The following RFNG variants were observed in gnomAD, a reference collection of about 807,000 sequenced individuals.
RFNG encodes the protein RFNG O-fucosylpeptide 3-beta-N-acetylglucosaminyltransferase.
A neutral mutation model predicts 29.6 loss-of-function variants in RFNG; 37 were observed. The observed-to-expected ratio is 1.25, with a 90% CI of 0.96 to 1.65. The LOEUF (loss-of-function observed/expected upper bound fraction) is 1.65. RFNG is among the 40% of genes most tolerant of loss of function. The pLI, the probability that RFNG is intolerant of heterozygous loss-of-function variation, is 0.00. For missense variants in RFNG, 546 were observed against 457.0 expected (o/e 1.19, Z -1.78); for synonymous variants, 276 against 197.3 (o/e 1.40, Z -3.34).
At chr17:82,049,276 G>A (rs950155443) in intron 6 of RFNG, 160 bp from the exon 7 acceptor site, 4 of 716,674 alleles carry the variant, frequency 5.6e-6, no homozygotes, top group Non-Finnish European at 1.0e-5. Context: ...GGCATGAGCT[G>A]AGTAGGGGGA....
In RFNG at chr17:82,050,199, G is replaced by A. The variant is rs896721313; in HGVS notation, c.574-193C>T. 5.2e-6 allele frequency: 4 copies of A among 776,626 alleles called. No homozygotes were observed. The Admixed American group carries it at 1.1e-4, about 22-fold the overall frequency. The allele number at this position is 776,626 out of a possible 1,614,324, so 48.1% of individuals were successfully genotyped here. A position where few individuals can be genotyped will look rare whatever the true frequency, so the allele number is the denominator to read the frequency against. ...CGTAGCCTCCAGACCCTCCCCACCT[G>A]GCCCAGACACCCCCTCTCTGCCCAG... On this transcript the variant is annotated intron_variant, in intron 4 of 7. Transcript: ENST00000310496.
chr17:82,049,121 G>C lies in RFNG; in HGVS notation c.829-5C>G, dbSNP rs78793795. ...ACCCCCATGGCTCAAGGTAACCTGG[G>C]AGGGAAGGGTGTGGGCAGAGTGTGT... is the stretch of plus-strand genomic sequence containing the variant. On this transcript the variant is annotated splice_region_variant and splice_polypyrimidine_tract_variant and intron_variant, in intron 6 of 7. Coordinates refer to ENST00000310496, the MANE Select transcript of RFNG (RefSeq NM_002917.2). The C allele has an allele frequency of 9.2e-3, 14,807 of 1,612,308 alleles. 1,136 individuals carry two copies. The African/African-American group carries it at 0.17, about 19-fold the overall frequency.
Position 82,049,011 on chromosome 17 carries a change from C to T in RFNG, c.914+20G>A, listed in dbSNP as rs201190708. 2.0e-4 allele frequency: 315 copies of T among 1,609,298 alleles called. 3 individuals are homozygous for T. The African/African-American group carries it at 3.7e-3, about 19-fold the overall frequency. On this transcript the variant is annotated intron_variant, in intron 7 of 7. Transcript: ENST00000310496. ...AGCCCCTGCGGGGCCGAGGGCCTGC[C>T]CATGCCACTACCTACTCACCGTGTG...
At chr17:82,050,070 G>A (rs548584690) in intron 4 of RFNG, 64 bp from the exon 5 acceptor site, 5 of 1,356,686 alleles carry the variant, frequency 3.7e-6, no homozygotes, top group African/African-American at 2.9e-5. Context: ...CTCTTCATGG[G>A]ACTCCCCAGG....
In RFNG at chr17:82,051,671, C is replaced by A. The variant is rs868817429; in HGVS notation, c.96G>T (p.Ala32=). The A allele has an allele frequency of 1.0e-5, 10 of 999,238 alleles. No individual in the cohort carries two copies. The South Asian group carries it at 4.5e-4, about 45-fold the overall frequency. 61.9% of individuals were successfully genotyped at this position (999,238 alleles called of 1,614,324 possible). ...GGGCGGGGGTCCGGGCCGGGGCGGGCGCGCGGGGCAGCGGCAGCGGCAGTA... is the reference window on the plus strand; with the variant it reads ...GGGCGGGGGTCCGGGCCGGGGCGGGAGCGCGGGGCAGCGGCAGCGGCAGTA... The part of the protein sequence containing the change: ...LLLLPLPLPR[A]PAPARTPAPA... The change falls in exon 1 of 8, where the codon GCG becomes GCT. Residue 32 remains alanine, a synonymous_variant. Transcript: ENST00000310496. This position sits in a 1 kb window ranked among gnomAD's most constrained non-coding sequence, Gnocchi z 4.1.
Position 82,050,574 on chromosome 17 carries a change from C to T in RFNG, c.420-19G>A, listed in dbSNP as rs771269730. On this transcript the variant is annotated intron_variant, in intron 3 of 7. Transcript: ENST00000310496. Reference sequence around the variant, plus strand: ...AAACCACCTGTGGGCGAGGGGAGTCCTGGGCACGAGGGCCTGGCATGGCTG... The same window carrying T: ...AAACCACCTGTGGGCGAGGGGAGTCTTGGGCACGAGGGCCTGGCATGGCTG... 8 of 1,609,228 alleles carry T rather than the reference C, an allele frequency of 5.0e-6. No individual in the cohort carries two copies. The East Asian group carries it at 1.8e-4, about 36-fold the overall frequency.
In RFNG at chr17:82,051,006, C is replaced by T; in HGVS notation, c.317-242G>A. The T allele has an allele frequency of 2.1e-6, 3 of 1,409,956 alleles. No homozygotes were observed. The highest frequency in any genetic ancestry group is 2.8e-6 in the Non-Finnish European group (3 of 1,086,710). The allele number at this position is 1,409,956 out of a possible 1,614,324, so 87.3% of individuals were successfully genotyped here. A position where few individuals can be genotyped will look rare whatever the true frequency, so the allele number is the denominator to read the frequency against. On this transcript the variant is annotated intron_variant, in intron 2 of 7. Coordinates refer to ENST00000310496, the MANE Select transcript of RFNG (RefSeq NM_002917.2). The surrounding 1 kb of genome is among the most constrained non-coding windows in gnomAD (Gnocchi z 4.1). Reference sequence around the variant, plus strand: ...TGGAAACAGGACGGAGGCAGCTCGCCCTGACCTGGCCTGGAAGGGCGGATT... The same window carrying T: ...TGGAAACAGGACGGAGGCAGCTCGCTCTGACCTGGCCTGGAAGGGCGGATT...
Position 82,050,401 on chromosome 17 carries a change from C to T in RFNG, c.573+1G>A, listed in dbSNP as rs1325787688. 6.4e-7 allele frequency: 1 copy of T among 1,570,164 alleles called. No homozygotes were observed. Among genetic ancestry groups the T allele is most frequent in the South Asian group, 1.2e-5 (1 of 86,930 alleles). On this transcript the variant is annotated splice_donor_variant, in intron 4 of 7. Transcript: ENST00000310496. LOFTEE classifies it high-confidence loss of function. ...CCGATGGCGTCTGCTCCGACACTCA[C>T]AGTTCTGCCACCCTGGACCCTCTCG...
chr17:82,050,913 C>G (rs1469381681), intron 2 of RFNG, 149 bp from the exon 3 acceptor site: 3 of 1,400,258 alleles, frequency 2.1e-6, no homozygotes, highest in Non-Finnish European at 1.9e-6. Flanking sequence ...CAGCCCTAGC[C>G]CTCACGCGCT....
In RFNG at chr17:82,050,402, A is replaced by G. The variant is rs774822725; in HGVS notation, c.573T>C (p.Thr191=). 3.2e-6 allele frequency: 5 copies of G among 1,569,380 alleles called. 1 individual carries two copies. The South Asian group carries it at 4.6e-5, about 14-fold the overall frequency. ...CGATGGCGTCTGCTCCGACACTCAC[A>G]GTTCTGCCACCCTGGACCCTCTCGG... is the stretch of plus-strand genomic sequence containing the variant. ...EATERVQGGR[T]VTTVKFWFAT... The change falls in exon 4 of 8, where the codon ACT becomes ACC. Residue 191 remains threonine (T), a splice_region_variant and synonymous_variant. Transcript: ENST00000310496.
In RFNG at chr17:82,049,986, C is replaced by A; in HGVS notation, c.594G>T (p.Trp198Cys). Reference protein sequence around the residue: ...GGRTVTTVKFWFATGGAGFCL... With the variant: ...GGRTVTTVKFCFATGGAGFCL... ...AGAACCCGGCCCCACCAGTAGCAAA[C>A]CAGAACTTGACCGTGGTCACCTGAA... Residue 198 changes from tryptophan to cysteine, a missense_variant, in exon 5 of 8, where the codon TGG becomes TGT. Transcript: ENST00000310496. The A allele has an allele frequency of 6.2e-7, 1 of 1,612,014 alleles. No individual in the cohort carries two copies.
rs770204364 is a variant in RFNG at position 82,051,278 on chromosome 17, A to AGG, written c.316+15_316+16insCC. On this transcript the variant is annotated intron_variant, in intron 2 of 7. Coordinates refer to ENST00000310496, the MANE Select transcript of RFNG (RefSeq NM_002917.2). This position sits in a 1 kb window ranked among gnomAD's most constrained non-coding sequence, Gnocchi z 4.1. ...GGGGCAGATCCCGCGGGCGCCGGGG[A>AGG]GTGGGGGACACTCACCGCCCTGGAG... is the stretch of plus-strand genomic sequence containing the variant. 1.5e-6 allele frequency: 2 copies of AGG among 1,358,874 alleles called. No individual in the cohort carries two copies. The highest frequency in any genetic ancestry group is 1.9e-6 in the Non-Finnish European group (2 of 1,053,334). The allele number at this position is 1,358,874 out of a possible 1,614,324, so 84.2% of individuals were successfully genotyped here. A position where few individuals can be genotyped will look rare whatever the true frequency, so the allele number is the denominator to read the frequency against.
chr17:82,051,371 TG>T lies in RFNG; in HGVS notation c.268-30del. 1.4e-6 allele frequency: 2 copies of T among 1,453,046 alleles called. No individual in the cohort carries two copies. Among genetic ancestry groups the T allele is most frequent in the Non-Finnish European group, 9.0e-7 (1 of 1,111,188 alleles). 90.0% of individuals were successfully genotyped at this position (1,453,046 alleles called of 1,614,324 possible). On this transcript the variant is annotated intron_variant, in intron 1 of 7. Coordinates refer to ENST00000310496, the MANE Select transcript of RFNG (RefSeq NM_002917.2). The surrounding 1 kb of genome is among the most constrained non-coding windows in gnomAD (Gnocchi z 4.1). ...GGGGAGAAACAATCTATGAGGCTTC[TG>T]GGGCGCTGCCCAGGCCGGAGACCGA...
chr17:82,051,168 G>A lies in RFNG; in HGVS notation c.316+126C>T. ...GGCCGCGTGACCTGGGCAGCGTCGGGGCCTCCCCGGGCCTCGGGAGCCTGG... is the reference window on the plus strand; with the variant it reads ...GGCCGCGTGACCTGGGCAGCGTCGGAGCCTCCCCGGGCCTCGGGAGCCTGG... On this transcript the variant is annotated intron_variant, in intron 2 of 7. Coordinates refer to ENST00000310496, the MANE Select transcript of RFNG (RefSeq NM_002917.2). The surrounding 1 kb of genome is among the most constrained non-coding windows in gnomAD (Gnocchi z 4.1). 3 of 1,303,484 alleles carry A rather than the reference G, an allele frequency of 2.3e-6. No homozygotes were observed. The highest frequency in any genetic ancestry group is 2.9e-6 in the Non-Finnish European group (3 of 1,024,224). The allele number at this position is 1,303,484 out of a possible 1,614,324, so 80.7% of individuals were successfully genotyped here.
In RFNG at chr17:82,049,039, G is replaced by GTC. The variant is rs2030097434; in HGVS notation, c.904_905dup (p.Asp302GlufsTer119). 1.2e-6 allele frequency: 2 copies of GTC among 1,613,224 alleles called. No individual in the cohort carries two copies. Among genetic ancestry groups the GTC allele is most frequent in the Non-Finnish European group, 1.7e-6 (2 of 1,179,892 alleles). On this transcript the variant is annotated frameshift_variant, in exon 7 of 8. Coordinates refer to ENST00000310496, the MANE Select transcript of RFNG (RefSeq NM_002917.2). LOFTEE classifies it low-confidence loss of function (END_TRUNC). ...TGCCACTACCTACTCACCGTGTGGGGTCTTGATGCAGGCTGAAGCCTCCAG... is the reference window on the plus strand; with the variant it reads ...TGCCACTACCTACTCACCGTGTGGGGTCTCTTGATGCAGGCTGAAGCCTCCAG...
rs1399322570 is a variant in RFNG, at chr17:82,051,358, T to C, written c.268-16A>G. The C allele has an allele frequency of 9.6e-6, 14 of 1,463,118 alleles. No individual in the cohort carries two copies. The highest frequency in any genetic ancestry group is 3.1e-5 in the Admixed American group (1 of 31,932). The allele number at this position is 1,463,118 out of a possible 1,614,324, so 90.6% of individuals were successfully genotyped here. A position where few individuals can be genotyped will look rare whatever the true frequency, so the allele number is the denominator to read the frequency against. On this transcript the variant is annotated splice_polypyrimidine_tract_variant and intron_variant, in intron 1 of 7. Coordinates refer to ENST00000310496, the MANE Select transcript of RFNG (RefSeq NM_002917.2). This position sits in a 1 kb window ranked among gnomAD's most constrained non-coding sequence, Gnocchi z 4.1. The stretch of plus-strand genomic sequence containing the variant: ...AGATAAACGTCTGGGGGAGAAACAA[T>C]CTATGAGGCTTCTGGGGCGCTGCCC...
Position 82,048,627 on chromosome 17 carries a change from G to A in RFNG, c.*99C>T. 2.2e-6 allele frequency: 2 copies of A among 927,388 alleles called. No homozygotes were observed. The highest frequency in any genetic ancestry group is 1.6e-5 in the African/African-American group (1 of 61,534). The allele number at this position is 927,388 out of a possible 1,614,324, so 57.4% of individuals were successfully genotyped here. On this transcript the variant is annotated 3_prime_UTR_variant, in exon 8 of 8. Transcript: ENST00000310496. ...TGCCAGGTGCCTGCATCTCACTGGT[G>A]TGGCCGTGGCACCTGAGGGAGCCCA...
At chr17:82,049,519 T>C in intron 6 of RFNG, 158 bp downstream of exon 6, 1 of 852,052 alleles carries the variant, frequency 1.2e-6, no homozygotes, top group Non-Finnish European at 1.9e-6. Flanking sequence ...GGACCCTGTG[T>C]CCAACAGGCC....
intron 4 of RFNG, 21 bp from the exon 5 acceptor site, chr17:82,050,027 A>G: frequency 6.3e-7 from 1 of 1,581,112 alleles, no homozygotes; most frequent in Non-Finnish European, 8.6e-7. Flanking sequence ...GGTGGTGGTC[A>G]GAGCTGCCCA....
Sources: allele counts gnomAD v4.1 joint callset, GRCh38; gene constraint gnomAD v4.1.1; non-coding constraint Gnocchi (gnomAD v3.1); transcripts MANE v1.5; gene names NCBI Gene and HGNC (gene_info 2026-07-23, HGNC 2026-07-21).